Variants in ERG observed in about 807,000 individuals in gnomAD.
The protein encoded by ERG is ETS transcription factor ERG.
Under a neutral mutation model 55.3 loss-of-function variants are expected in ERG, and 9 were observed. That is an observed-to-expected ratio of 0.16 (90% CI 0.10 to 0.28). The LOEUF (loss-of-function observed/expected upper bound fraction) is 0.28. Among genes scored for constraint, ERG ranks in the 10% least tolerant of loss-of-function variants. ERG has a pLI of 1.00. For synonymous variants in ERG, 223 were observed against 237.3 expected (o/e 0.94, Z 0.55); for missense variants, 434 against 631.6 (o/e 0.69, Z 3.35).
chr21:38,639,185 C>T (rs1187182936), intron 1 of ERG, among the ~76,000 whole-genome samples: 1 of 152,128 alleles, frequency 6.6e-6, no homozygotes, highest in Non-Finnish European at 1.5e-5. Context: ...GGCACACACC[C>T]CCAGCCAACA....
intron 1 of ERG, among the ~76,000 whole-genome samples, chr21:38,637,776 C>T (rs1025683241): frequency 6.6e-6 from 1 of 151,992 alleles, no homozygotes; most frequent in African/African-American, 2.4e-5. Context: ...TTTTTCTTAT[C>T]TGTTAGTTTT....
intron 1 of ERG, among the ~76,000 whole-genome samples, chr21:38,591,683 C>T (rs2060101032): frequency 6.6e-6 from 1 of 152,120 alleles, no homozygotes; most frequent in African/African-American, 2.4e-5. Context: ...CAGAGTGAGA[C>T]TCCTCAAAAC....
chr21:38,476,685 T>A (rs2059191066), intron 1 of ERG, among the ~76,000 whole-genome samples: 1 of 152,146 alleles, frequency 6.6e-6, no homozygotes, highest in African/African-American at 2.4e-5. Context: ...TTATAAACAT[T>A]AAAGAGACAG....
rs150923000 is a variant in ERG, at chr21:38,640,020, G to C, written c.-150+21638C>G. On this transcript the variant is annotated intron_variant, in intron 1 of 10. Transcript: ENST00000398910. ...CAACAAAACAATAAAAACCCTGAGA[G>C]ATGACCAAATTCATTCTAACACACT... Among the ~76,000 whole-genome samples, 448 of 152,252 alleles carry C rather than the reference G, an allele frequency of 2.9e-3. 1 individual carries two copies. Among genetic ancestry groups the C allele is most frequent in the Middle Eastern group, 0.017 (5 of 294 alleles).
At chr21:38,456,595 C>T (rs979474434) in intron 1 of ERG, among the ~76,000 whole-genome samples, 2 of 21,916 alleles carry the variant, frequency 9.1e-5, no homozygotes, top group African/African-American at 2.9e-4. Flanking sequence ...CTATCCCCAT[C>T]CCCATCATTG....
chr21:38,623,942 AT>A (rs140381156), intron 1 of ERG, among the ~76,000 whole-genome samples: 3,155 of 152,294 alleles, frequency 0.021, 39 homozygotes, highest in East Asian at 0.052. Flanking sequence ...TTTTACAATA[AT>A]TTTTTTAAAG....
At position 38,517,743 on chromosome 21, in the gene ERG, TG is replaced by T. The variant is rs374242417; in HGVS notation, c.-41+57918del. ...CACAGATGAAATGGTAAACAAAATG[TG>T]GTACATATACACAATGGAATACTAT... On this transcript the variant is annotated intron_variant, in intron 2 of 8. Transcript: ENST00000398897. Among the ~76,000 whole-genome samples the T allele has an allele frequency of 7.2e-5, 11 of 152,274 alleles. No homozygotes were observed. The East Asian group carries it at 1.9e-3, about 27-fold the overall frequency.
intron 2 of ERG, among the ~76,000 whole-genome samples, chr21:38,514,306 T>G (rs1246591614): frequency 6.6e-6 from 1 of 150,988 alleles, no homozygotes; most frequent in Non-Finnish European, 1.5e-5. Context: ...AGCTAGAAAA[T>G]TATTTAAAAA....
chr21:38,501,665 A>G (rs1254653308), upstream of ERG, among the ~76,000 whole-genome samples: 1 of 152,132 alleles, frequency 6.6e-6, no homozygotes, highest in East Asian at 1.9e-4. Context: ...TGAGCCTATC[A>G]GGGCAGGGTC....
intron 9 of ERG, among the ~76,000 whole-genome samples, chr21:38,389,307 G>A (rs933981126): frequency 2.0e-5 from 3 of 152,080 alleles, no homozygotes; most frequent in Admixed American, 2.0e-4. Context: ...TTCCTTTTCT[G>A]TAGGATGGAG....
chr21:38,606,565 C>T (rs1250617749), intron 1 of ERG, among the ~76,000 whole-genome samples: 1 of 151,954 alleles, frequency 6.6e-6, no homozygotes, highest in Non-Finnish European at 1.5e-5. Context: ...GATTAGCACC[C>T]CAAACAGCAT....
intron 1 of ERG, among the ~76,000 whole-genome samples, chr21:38,635,444 A>G (rs1677745961): frequency 6.6e-6 from 1 of 152,138 alleles, no homozygotes; most frequent in South Asian, 2.1e-4. Context: ...AAACAATCAA[A>G]CTACTCTGAG....
chr21:38,466,836 A>G (rs1300829432), intron 1 of ERG, among the ~76,000 whole-genome samples: 2 of 152,172 alleles, frequency 1.3e-5, no homozygotes, highest in African/African-American at 2.4e-5. Context: ...ACAAACTGAA[A>G]AACAGGGTTT....
At position 38,383,946 on chromosome 21, in the gene ERG, G is replaced by A. The variant is rs1328841063; in HGVS notation, c.920-23C>T. On this transcript the variant is annotated intron_variant, in intron 9 of 9. Transcript: ENST00000288319. The surrounding 1 kb of genome is among the most constrained non-coding windows in gnomAD (Gnocchi z 5.7). ...TGCCTAATGAGGTCAGGAGAGGAAG[G>A]AAAACTCCAGTGAGCACAGGTTCCA... The A allele has an allele frequency of 6.3e-7, 1 of 1,596,858 alleles. No individual in the cohort carries two copies. The highest frequency in any genetic ancestry group is 1.1e-5 in the South Asian group (1 of 89,648).
In ERG at chr21:38,577,842, C is replaced by T. The variant is rs2060004194; in HGVS notation, c.-126-2095G>A. On this transcript the variant is annotated intron_variant, in intron 1 of 8. Coordinates refer to the ERG transcript ENST00000398897. ...CTAGTTCACTCCGCACAGTTCCTCC[C>T]TGCCTGCACACACATGCTGACGCTC... Among the ~76,000 whole-genome samples the T allele has an allele frequency of 1.3e-5, 2 of 152,196 alleles. 1 individual carries two copies. The highest frequency in any genetic ancestry group is 4.1e-4 in the South Asian group (2 of 4,832).
In ERG at chr21:38,380,192, GT is replaced by G; in HGVS notation, c.*3210del. 1 of 1,049,460 alleles carries G rather than the reference GT, an allele frequency of 9.5e-7. No homozygotes were observed. The highest frequency in any genetic ancestry group is 1.2e-6 in the Non-Finnish European group (1 of 869,460). The allele number at this position is 1,049,460 out of a possible 1,614,324, so 65.0% of individuals were successfully genotyped here. On this transcript the variant is annotated 3_prime_UTR_variant, in exon 10 of 10. Transcript: ENST00000288319. ...CACTTTGGGGCGCTGCAGAACATCTGTGCTTTCCCTGTGCCCCATCACCTTC... is the reference window on the plus strand; with the variant it reads ...CACTTTGGGGCGCTGCAGAACATCTGGCTTTCCCTGTGCCCCATCACCTTC...
intron 2 of ERG, among the ~76,000 whole-genome samples, chr21:38,511,572 T>C (rs1212431962): frequency 6.6e-6 from 1 of 152,208 alleles, no homozygotes; most frequent in Non-Finnish European, 1.5e-5. Context: ...AAAGTATCAC[T>C]AGGAAAGAAA....
chr21:38,590,491 G>T (rs1389248396), intron 1 of ERG, among the ~76,000 whole-genome samples: 1 of 152,212 alleles, frequency 6.6e-6, no homozygotes, highest in Non-Finnish European at 1.5e-5. Flanking sequence ...ATTAAGGGAT[G>T]ATTTCACTGA....
chr21:38,603,833 T>C (rs1003853841), intron 1 of ERG, among the ~76,000 whole-genome samples: 3 of 151,992 alleles, frequency 2.0e-5, no homozygotes, highest in African/African-American at 7.3e-5. Context: ...CCTCAGATTT[T>C]TGGGGGTGGA....
Sources: gnomAD v4.1 joint callset for allele counts (sites outside exome capture counted in the v4.1 genomes callset) on GRCh38, gnomAD v4.1.1 for gene constraint, Gnocchi (gnomAD v3.1) non-coding constraint, MANE v1.5 for transcripts, NCBI Gene and HGNC (gene_info 2026-07-23, HGNC 2026-07-21) for gene names.